ANTXR1: variants seen among roughly 807,000 people sequenced by gnomAD.
ANTXR1 encodes the protein anthrax toxin receptor 1.
A neutral mutation model predicts 78.1 loss-of-function variants in ANTXR1; 19 were observed. The ratio of observed to expected loss-of-function variants is 0.24; its 90% confidence interval spans 0.17 to 0.36. The LOEUF (loss-of-function observed/expected upper bound fraction) is 0.36. Among genes scored for constraint, ANTXR1 ranks in the 10% least tolerant of loss-of-function variants. The probability of loss-of-function intolerance (pLI) is 1.00; values close to 1 mark genes in which losing one functional copy is unlikely to be tolerated. For missense variants in ANTXR1, 518 were observed against 718.6 expected (o/e 0.72, Z 3.19); for synonymous variants, 273 against 260.5 (o/e 1.05, Z -0.46).
intron 17 of ANTXR1, among the ~76,000 whole-genome samples, chr2:69,225,527 T>C (rs1288742946): frequency 6.6e-6 from 1 of 152,066 alleles, no homozygotes; most frequent in Admixed American, 6.6e-5. Flanking sequence ...ATCAGACCAA[T>C]TGGTAGTCTG....
chr2:69,225,515 A>G (rs933053437), intron 17 of ANTXR1, among the ~76,000 whole-genome samples: 3 of 152,172 alleles, frequency 2.0e-5, no homozygotes, highest in South Asian at 2.1e-4. Flanking sequence ...AAAAATACAT[A>G]TATCAGACCA....
chr2:69,095,475 C>T (rs1340278253), intron 9 of ANTXR1, among the ~76,000 whole-genome samples: 4 of 152,164 alleles, frequency 2.6e-5, no homozygotes, highest in Non-Finnish European at 5.9e-5. Context: ...GATGCCTGTG[C>T]GATGAGGAAA....
intron 17 of ANTXR1, among the ~76,000 whole-genome samples, chr2:69,232,753 C>T (rs1675654448): frequency 6.6e-6 from 1 of 152,038 alleles, no homozygotes; most frequent in African/African-American, 2.4e-5. Flanking sequence ...CTACAGACAG[C>T]AGAAACACGG....
chr2:69,025,653 A>G (rs1171217868), intron 1 of ANTXR1, among the ~76,000 whole-genome samples: 2 of 152,220 alleles, frequency 1.3e-5, no homozygotes, highest in Non-Finnish European at 2.9e-5. Flanking sequence ...GAAGACTCCT[A>G]ACTGTAACTT....
At chr2:69,215,276 A>G (rs993907854) in intron 17 of ANTXR1, among the ~76,000 whole-genome samples, 5 of 152,204 alleles carry the variant, frequency 3.3e-5, no homozygotes, top group African/African-American at 9.6e-5. Flanking sequence ...CAGCACAGCA[A>G]CTTTTCTCTC....
In ANTXR1 at chr2:69,051,135, A is replaced by C. The variant is rs1223667623; in HGVS notation, c.296+6322A>C. Among the ~76,000 whole-genome samples, 3 of 152,114 alleles carry C rather than the reference A, an allele frequency of 2.0e-5. No individual in the cohort carries two copies. In the East Asian group the frequency reaches 5.8e-4, roughly 29 times the overall value. Reference sequence around the variant, plus strand: ...ACCCCATCTCCAGTAAAAATATAAAAGTTAGCTGGGCATGTTGGTGCGCAC... The same window carrying C: ...ACCCCATCTCCAGTAAAAATATAAACGTTAGCTGGGCATGTTGGTGCGCAC... On this transcript the variant is annotated intron_variant, in intron 3 of 17. Coordinates refer to ENST00000303714, the MANE Select transcript of ANTXR1 (RefSeq NM_032208.3).
intron 12 of ANTXR1, among the ~76,000 whole-genome samples, chr2:69,138,601 C>T (rs141865855): frequency 8.2e-4 from 125 of 152,212 alleles, no homozygotes; most frequent in African/African-American, 2.7e-3. Flanking sequence ...CAAGGAAATG[C>T]GAAAGGCAGG....
intron 17 of ANTXR1, among the ~76,000 whole-genome samples, chr2:69,196,593 G>A (rs953041907): frequency 2.6e-5 from 4 of 152,156 alleles, no homozygotes; most frequent in Non-Finnish European, 4.4e-5. Flanking sequence ...AGACTCACTA[G>A]AGAGGCCTGC....
intron 1 of ANTXR1, among the ~76,000 whole-genome samples, chr2:69,037,341 G>T (rs905813176): frequency 2.0e-5 from 3 of 152,214 alleles, no homozygotes; most frequent in Admixed American, 1.3e-4. Context: ...TTGCCACCCA[G>T]TATCAGGGGA....
intron 17 of ANTXR1, among the ~76,000 whole-genome samples, chr2:69,227,448 A>AC (rs774647571): frequency 6.6e-6 from 1 of 151,954 alleles, no homozygotes; most frequent in African/African-American, 2.4e-5. Context: ...CTACCACAGC[A>AC]CCCCAAATGC....
chr2:69,040,012 G>C (rs149234059), intron 1 of ANTXR1, 32 bp from the exon 2 acceptor site: 3 of 1,587,600 alleles, frequency 1.9e-6, no homozygotes, highest in Non-Finnish European at 2.6e-6. Flanking sequence ...GTAAACACCT[G>C]AGTCACGCAA....
intron 7 of ANTXR1, among the ~76,000 whole-genome samples, chr2:69,076,053 C>G (rs975268078): frequency 6.6e-6 from 1 of 152,178 alleles, no homozygotes; most frequent in Non-Finnish European, 1.5e-5. Flanking sequence ...TTAAGTGATC[C>G]TCCCGCCTCA....
Position 69,090,905 on chromosome 2 carries a change from C to T in ANTXR1, c.689C>T (p.Thr230Ile). Reference sequence around the variant, plus strand: ...GAAATTCTAGCAGCTGAACCATCCACCATATGTGCAGGAGGTAAATTGAAA... The same window carrying T: ...GAAATTCTAGCAGCTGAACCATCCATCATATGTGCAGGAGGTAAATTGAAA... ...CIEILAAEPS[T>I]ICAGESFQVV... is the part of the protein sequence containing the mutation. The change falls in exon 9 of 18, where the codon ACC becomes ATC. Residue 230 changes from threonine (T) to isoleucine (I), a missense_variant. Thr to Ile is a moderately conservative substitution (Grantham distance 89). Transcript: ENST00000303714. 1 of 1,613,034 alleles carries T rather than the reference C, an allele frequency of 6.2e-7. No individual in the cohort carries two copies.
intron 12 of ANTXR1, 68 bp from the exon 13 acceptor site, chr2:69,152,101 G>A (rs973584784): frequency 4.8e-6 from 7 of 1,449,714 alleles, no homozygotes; most frequent in African/African-American, 2.8e-5. Context: ...TCAGTGATGG[G>A]AGTTTGGGGA....
At chr2:69,175,611 A>G (rs1674100399) in intron 14 of ANTXR1, among the ~76,000 whole-genome samples, 1 of 152,198 alleles carries the variant, frequency 6.6e-6, no homozygotes, top group African/African-American at 2.4e-5. Context: ...GCAACAGAGC[A>G]AGACCCCAAC....
intron 1 of ANTXR1, among the ~76,000 whole-genome samples, chr2:69,015,948 G>A (rs115091169): frequency 0.038 from 5,672 of 150,928 alleles, 167 homozygotes; most frequent in South Asian, 0.06. Flanking sequence ...TAAAAAGGTC[G>A]TTATTAATCA....
At chr2:69,146,846 C>T (rs763000436) in intron 12 of ANTXR1, among the ~76,000 whole-genome samples, 1 of 152,230 alleles carries the variant, frequency 6.6e-6, no homozygotes, top group African/African-American at 2.4e-5. Flanking sequence ...ATCTATGTGG[C>T]CCTATGGTCT....
chr2:69,064,756 T>C (rs960906526), intron 3 of ANTXR1, among the ~76,000 whole-genome samples: 1 of 152,192 alleles, frequency 6.6e-6, no homozygotes, highest in African/African-American at 2.4e-5. Flanking sequence ...TAAAAAGTTA[T>C]CGAAGAAAGT....
intron 13 of ANTXR1, 95 bp downstream of exon 13, chr2:69,152,359 A>C: frequency 8.0e-7 from 1 of 1,247,712 alleles, no homozygotes; most frequent in Non-Finnish European, 1.2e-6. Context: ...AAAACTAAAG[A>C]TGGGAGACAA....
Sources: allele counts gnomAD v4.1 joint callset (sites outside exome capture counted in the v4.1 genomes callset), GRCh38; gene constraint gnomAD v4.1.1; transcripts MANE v1.5; gene names NCBI Gene and HGNC (gene_info 2026-07-23, HGNC 2026-07-21).